Variants in GRID2 observed in about 807,000 individuals in gnomAD.
GRID2 encodes the protein glutamate receptor ionotropic, delta-2.
In GRID2, 33 loss-of-function variants were observed where a neutral mutation model predicts 114.8. That is an observed-to-expected ratio of 0.29 (90% confidence interval 0.22 to 0.38). The LOEUF (loss-of-function observed/expected upper bound fraction) is 0.38. Among genes scored for constraint, GRID2 ranks in the 10% least tolerant of loss-of-function variants. The probability of loss-of-function intolerance (pLI) is 1.00; values close to 1 mark genes in which losing one functional copy is unlikely to be tolerated. For synonymous variants in GRID2, 505 were observed against 449.9 expected (o/e 1.12, Z -1.55); for missense variants, 1,184 against 1,257.7 (o/e 0.94, Z 0.89).
At chr4:92,469,794 A>G (rs1431220393) in intron 1 of GRID2, among the ~76,000 whole-genome samples, 1 of 151,988 alleles carries the variant, frequency 6.6e-6, no homozygotes, top group Non-Finnish European at 1.5e-5. Context: ...TTAAGAGTTG[A>G]TGAGAGATAC....
At chr4:92,591,907 T>C (rs1339988844) in intron 2 of GRID2, among the ~76,000 whole-genome samples, 1 of 152,090 alleles carries the variant, frequency 6.6e-6, no homozygotes, top group East Asian at 1.9e-4. Context: ...TAAACATTAA[T>C]GCAAAAAGTC....
chr4:93,681,314 G>T (rs1259091172), intron 14 of GRID2, among the ~76,000 whole-genome samples: 1 of 151,566 alleles, frequency 6.6e-6, no homozygotes, highest in Non-Finnish European at 1.5e-5. Context: ...CCATACTCAT[G>T]GGTAGGAAGA....
chr4:93,063,844 G>T (rs10011751), intron 2 of GRID2, among the ~76,000 whole-genome samples: 1 of 151,340 alleles, frequency 6.6e-6, no homozygotes, highest in Admixed American at 6.6e-5. Context: ...CTGAATTTCC[G>T]TATTGATTAA....
rs368261333 is a variant in GRID2 at position 93,085,222 on chromosome 4, A to G, written c.472A>G (p.Arg158Gly). The change falls in exon 3 of 16, where the codon AGA becomes GGA. Residue 158 changes from arginine to glycine, a missense_variant. This residue lies in a region of GRID2 where 455 missense variants were observed against 429.5 expected (regional missense o/e 1.06). Coordinates refer to ENST00000282020, the MANE Select transcript of GRID2 (RefSeq NM_001510.4). ...TGTCTACTTGCATGATGTTATCCTA[A>G]GAGTGGTCACAGAGTATGCCTGGCA... ...PPVYLHDVIL[R>G]VVTEYAWQKF... 3.7e-6 allele frequency: 6 copies of G among 1,613,594 alleles called. No individual in the cohort carries two copies. Among genetic ancestry groups the G allele is most frequent in the Non-Finnish European group, 5.1e-6 (6 of 1,179,486 alleles).
intron 1 of GRID2, among the ~76,000 whole-genome samples, chr4:92,463,706 T>C: frequency 6.6e-6 from 1 of 152,098 alleles, no homozygotes; most frequent in East Asian, 1.9e-4. Flanking sequence ...TCACAGCTTT[T>C]TTTTGTGTAG....
chr4:93,009,511 TTAATGTATGACATTTTCA>T (rs1721899138), intron 2 of GRID2, among the ~76,000 whole-genome samples: 1 of 152,156 alleles, frequency 6.6e-6, no homozygotes, highest in Non-Finnish European at 1.5e-5. Flanking sequence ...CTTATTCTCT[TTAATGTATGACATTTTCA>T]TAATCTTCTT....
intron 3 of GRID2, among the ~76,000 whole-genome samples, chr4:93,098,727 C>T (rs1731439860): frequency 6.6e-6 from 1 of 151,722 alleles, no homozygotes; most frequent in Non-Finnish European, 1.5e-5. Context: ...CAATAACAAC[C>T]CAATATTGGG....
At chr4:92,970,301 T>C (rs1753422373) in intron 2 of GRID2, among the ~76,000 whole-genome samples, 1 of 151,914 alleles carries the variant, frequency 6.6e-6, no homozygotes, top group Non-Finnish European at 1.5e-5. Flanking sequence ...TTCAAAATCT[T>C]TCTTTATTCA....
intron 4 of GRID2, among the ~76,000 whole-genome samples, chr4:93,163,399 T>TGTATATATATATATAC (rs1737928542): frequency 2.0e-5 from 1 of 49,152 alleles, no homozygotes; most frequent in African/African-American, 7.9e-5. Flanking sequence ...TATATATATA[T>TGTATATATATATATAC]ACACTATATA....
At chr4:93,120,686 G>A (rs893496185) in intron 4 of GRID2, among the ~76,000 whole-genome samples, 26 of 152,138 alleles carry the variant, frequency 1.7e-4, no homozygotes, top group Admixed American at 5.2e-4. Flanking sequence ...GGGCGCGGTG[G>A]CTCAGGCCTG....
downstream of GRID2, among the ~76,000 whole-genome samples, chr4:93,779,118 A>C (rs1255862433): frequency 2.0e-5 from 3 of 151,990 alleles, no homozygotes; most frequent in Non-Finnish European, 4.4e-5. Flanking sequence ...TCAATCACCA[A>C]TCATGAATAT....
chr4:92,364,423 T>C (rs1408827523), intron 1 of GRID2, among the ~76,000 whole-genome samples: 1 of 152,142 alleles, frequency 6.6e-6, no homozygotes, highest in Non-Finnish European at 1.5e-5. Context: ...ATAGTTGTTT[T>C]GATATAGATT....
At chr4:93,281,044 T>C (rs1752594339) in intron 8 of GRID2, among the ~76,000 whole-genome samples, 3 of 151,824 alleles carry the variant, frequency 2.0e-5, no homozygotes, top group Non-Finnish European at 4.4e-5. Flanking sequence ...ACAAACTAAA[T>C]ATAAATATAT....
intron 4 of GRID2, among the ~76,000 whole-genome samples, chr4:93,161,297 T>G (rs908920769): frequency 6.6e-6 from 1 of 152,036 alleles, no homozygotes; most frequent in South Asian, 2.1e-4. Context: ...TGGCTTTGCC[T>G]TTAACTTCTG....
At chr4:93,171,622 G>A (rs894042634) in intron 4 of GRID2, among the ~76,000 whole-genome samples, 178 of 152,230 alleles carry the variant, frequency 1.2e-3, no homozygotes, top group Non-Finnish European at 1.4e-3. Context: ...ACTTGTCCAC[G>A]TAGGACCCAA....
At chr4:93,591,279 T>C (rs1243701687) in intron 13 of GRID2, among the ~76,000 whole-genome samples, 7 of 151,924 alleles carry the variant, frequency 4.6e-5, no homozygotes, top group Admixed American at 4.6e-4. Context: ...TTGTTGAATT[T>C]TGTCAAAGGC....
intron 1 of GRID2, among the ~76,000 whole-genome samples, chr4:92,323,980 A>G (rs373254866): frequency 1.3e-5 from 2 of 151,990 alleles, no homozygotes; most frequent in Admixed American, 6.6e-5. Context: ...TATCTAGGAG[A>G]TAGAAATAGC....
intron 1 of GRID2, among the ~76,000 whole-genome samples, chr4:92,392,463 C>T (rs1008106668): frequency 1.8e-4 from 28 of 151,954 alleles, no homozygotes; most frequent in African/African-American, 6.5e-4. Context: ...GGCTTGAACC[C>T]GGGAGGCGGA....
chr4:93,247,751 AATATATATTT>A (rs1748369304), intron 8 of GRID2, among the ~76,000 whole-genome samples: 1 of 151,424 alleles, frequency 6.6e-6, no homozygotes, highest in Non-Finnish European at 1.5e-5. Context: ...TTTATATTTA[AATATATATTT>A]ATATATACAT....
Sources: gnomAD v4.1 joint callset for allele counts (sites outside exome capture counted in the v4.1 genomes callset) on GRCh38, gnomAD v4.1.1 for gene constraint, gnomAD v4.1.1 regional missense constraint, MANE v1.5 for transcripts, NCBI Gene and HGNC (gene_info 2026-07-23, HGNC 2026-07-21) for gene names.